PGM2L1: variants seen among roughly 807,000 people sequenced by gnomAD.
PGM2L1 encodes the protein glucose 1,6-bisphosphate synthase.
PGM2L1 carries 35 observed loss-of-function variants against 73.4 expected under a neutral mutation model. The observed-to-expected ratio is 0.48, with a 90% CI of 0.36 to 0.63. The LOEUF (loss-of-function observed/expected upper bound fraction) is 0.63, where lower values mean the gene tolerates loss of function less well. Among genes scored for constraint, PGM2L1 ranks in the 30% least tolerant of loss-of-function variants. PGM2L1 has a pLI of 0.00. For synonymous variants in PGM2L1, 225 were observed against 253.8 expected, an observed-to-expected ratio of 0.89 and a Z score of 1.08; for missense variants, 570 against 742.0, an observed-to-expected ratio of 0.77 and a Z score of 2.69.
intron 5 of PGM2L1, among the ~76,000 whole-genome samples, chr11:74,364,703 C>G (rs28773030): frequency 6.6e-5 from 10 of 151,790 alleles, no homozygotes; most frequent in East Asian, 1.9e-4. Flanking sequence ...CACTACTCAA[C>G]GAAATAAAAG....
chr11:74,392,257 T>A (rs867051332), intron 1 of PGM2L1, among the ~76,000 whole-genome samples: 17 of 152,124 alleles, frequency 1.1e-4, no homozygotes, highest in Middle Eastern at 3.4e-3. Flanking sequence ...TACTATTTTT[T>A]AAAATCATAA....
intron 5 of PGM2L1, among the ~76,000 whole-genome samples, chr11:74,362,311 A>G (rs1862576659): frequency 6.6e-6 from 1 of 152,196 alleles, no homozygotes; most frequent in Non-Finnish European, 1.5e-5. Context: ...TTCATAAGTA[A>G]AGAATAAAAT....
rs139569437 is a variant in PGM2L1 at position 74,374,986 on chromosome 11, G to A, written c.112-404C>T. On this transcript the variant is annotated intron_variant, in intron 1 of 13. Transcript: ENST00000298198. ...TCAAGTGATCTAGCCTCAGCCTCTTGAGTAGCTGGGACTACAGGTATGTGC... is the reference window on the plus strand; with the variant it reads ...TCAAGTGATCTAGCCTCAGCCTCTTAAGTAGCTGGGACTACAGGTATGTGC... Among the ~76,000 whole-genome samples the A allele has an allele frequency of 4.9e-4, 74 of 152,086 alleles. 1 individual carries two copies. Among genetic ancestry groups the A allele is most frequent in the Non-Finnish European group, 9.0e-4 (61 of 67,972 alleles).
intron 12 of PGM2L1, among the ~76,000 whole-genome samples, chr11:74,342,007 T>C (rs1862189976): frequency 6.6e-6 from 1 of 152,098 alleles, no homozygotes; most frequent in African/African-American, 2.4e-5. Flanking sequence ...AATTAGCATA[T>C]AATGAGCAGT....
intron 1 of PGM2L1, among the ~76,000 whole-genome samples, chr11:74,387,317 CCT>C (rs1442008562): frequency 1.3e-5 from 2 of 152,054 alleles, no homozygotes; most frequent in East Asian, 3.9e-4. Context: ...CAAATAGTCC[CCT>C]CTCTCTACAC....
At chr11:74,374,368 C>A in intron 2 of PGM2L1, 47 bp downstream of exon 2, 2 of 1,450,936 alleles carry the variant, frequency 1.4e-6, no homozygotes, top group South Asian at 1.5e-5. Flanking sequence ...AGGCATGAGC[C>A]ACCATGTCCA....
intron 1 of PGM2L1, among the ~76,000 whole-genome samples, chr11:74,377,740 T>C (rs1002269491): frequency 6.6e-6 from 1 of 152,218 alleles, no homozygotes; most frequent in Non-Finnish European, 1.5e-5. Context: ...TCATGATGGC[T>C]GAGAAAAACC....
At chr11:74,339,315 G>A (rs902086968) in intron 12 of PGM2L1, among the ~76,000 whole-genome samples, 1 of 152,140 alleles carries the variant, frequency 6.6e-6, no homozygotes, top group Non-Finnish European at 1.5e-5. Flanking sequence ...AAGAAGTGAT[G>A]TTTTACTGAC....
intron 1 of PGM2L1, chr11:74,397,426 T>A (rs972900281): frequency 4.6e-5 from 7 of 152,004 alleles, no homozygotes; most frequent in African/African-American, 1.7e-4. Context: ...GTATTAAGAG[T>A]ACCACATGAA....
At chr11:74,363,113 C>T (rs2134916955) in intron 5 of PGM2L1, among the ~76,000 whole-genome samples, 1 of 152,262 alleles carries the variant, frequency 6.6e-6, no homozygotes, top group Non-Finnish European at 1.5e-5. Flanking sequence ...TACATGGAAA[C>T]TGAACAACCT....
In PGM2L1 at chr11:74,333,507, C is replaced by G. The variant is rs1004702588; in HGVS notation, c.*3145G>C. On this transcript the variant is annotated 3_prime_UTR_variant, in exon 14 of 14. Coordinates refer to ENST00000298198, the MANE Select transcript of PGM2L1 (RefSeq NM_173582.6). ...TACATTTTCTTCCTTTTTATTTCTG[C>G]TCTACCTCTTCCTGAGTTCTCACAT... is the stretch of plus-strand genomic sequence containing the variant. The G allele has an allele frequency of 6.6e-6, 1 of 152,178 alleles. No individual in the cohort carries two copies. The highest frequency in any genetic ancestry group is 1.5e-5 in the Non-Finnish European group (1 of 68,022). 9.4% of individuals were successfully genotyped at this position (152,178 alleles called of 1,614,324 possible).
chr11:74,338,446 T>G, intron 13 of PGM2L1, 22 bp downstream of exon 13: 1 of 1,513,856 alleles, frequency 6.6e-7, no homozygotes. Flanking sequence ...TGTATGTATA[T>G]CTTAAAAAAA....
intron 4 of PGM2L1, among the ~76,000 whole-genome samples, chr11:74,370,176 C>T (rs549506023): frequency 6.6e-6 from 1 of 151,844 alleles, no homozygotes; most frequent in Non-Finnish European, 1.5e-5. Context: ...ACATTTTTAA[C>T]CAAGAGTAAG....
chr11:74,348,626 C>T (rs894041474), intron 6 of PGM2L1, among the ~76,000 whole-genome samples: 4 of 152,294 alleles, frequency 2.6e-5, no homozygotes, highest in Admixed American at 6.5e-5. Flanking sequence ...TTACTTGAAG[C>T]AGGACCTGAA....
chr11:74,354,828 GA>G, intron 5 of PGM2L1: 5 of 712,332 alleles, frequency 7.0e-6, no homozygotes, highest in Non-Finnish European at 1.2e-5. Context: ...AACAGTATGG[GA>G]AAAAAATGAA....
At chr11:74,391,718 T>C (rs1191858647) in intron 1 of PGM2L1, among the ~76,000 whole-genome samples, 2 of 152,242 alleles carry the variant, frequency 1.3e-5, no homozygotes, top group Non-Finnish European at 1.5e-5. Flanking sequence ...TTCCTTTTTA[T>C]AGTTTGATCG....
chr11:74,392,836 G>A (rs538604874), intron 1 of PGM2L1, among the ~76,000 whole-genome samples: 5 of 152,312 alleles, frequency 3.3e-5, no homozygotes, highest in African/African-American at 9.6e-5. Flanking sequence ...CACTGCGCCC[G>A]GCCAGCCAAT....
At chr11:74,359,454 TA>T (rs1205860463) in intron 5 of PGM2L1, among the ~76,000 whole-genome samples, 2 of 151,986 alleles carry the variant, frequency 1.3e-5, no homozygotes, top group African/African-American at 2.4e-5. Context: ...CACACATACA[TA>T]TTTTTTTCTT....
chr11:74,345,830 A>C (rs1862252959), intron 8 of PGM2L1, among the ~76,000 whole-genome samples, 181 bp from the exon 9 acceptor site: 1 of 152,196 alleles, frequency 6.6e-6, no homozygotes. Flanking sequence ...TACGGTAGGA[A>C]TGGTACAACG....
Sources: gnomAD v4.1 joint callset for allele counts (sites outside exome capture counted in the v4.1 genomes callset) on GRCh38, gnomAD v4.1.1 for gene constraint, MANE v1.5 for transcripts, NCBI Gene and HGNC (gene_info 2026-07-23, HGNC 2026-07-21) for gene names.